Variants in OPALIN observed in about 807,000 individuals in gnomAD.
OPALIN encodes oligodendrocytic myelin paranodal and inner loop protein, also known as transmembrane protein 10.
In OPALIN, 15 loss-of-function variants were observed where a neutral mutation model predicts 17.8. That is an observed-to-expected ratio of 0.84 (90% CI 0.56 to 1.29). The LOEUF is 1.29. Among genes scored for constraint, OPALIN ranks in the 50% most tolerant of loss-of-function variants. The pLI, the probability that OPALIN is intolerant of heterozygous loss-of-function variation, is 0.00. For synonymous variants in OPALIN, 62 were observed against 63.8 expected, an observed-to-expected ratio of 0.97 and a Z score of 0.14; for missense variants, 170 against 176.0, an observed-to-expected ratio of 0.97 and a Z score of 0.19.
At chr10:96,357,604 C>A (rs190306619) in intron 1 of OPALIN, among the ~76,000 whole-genome samples, 1 of 152,274 alleles carries the variant, frequency 6.6e-6, no homozygotes, top group Admixed American at 6.5e-5. Context: ...TTCCCATTCT[C>A]AAAATGGGAT....
chr10:96,352,006 G>A (rs147649873), intron 2 of OPALIN, among the ~76,000 whole-genome samples: 72 of 152,280 alleles, frequency 4.7e-4, no homozygotes, highest in African/African-American at 1.6e-3. Context: ...ATAAAGTTCT[G>A]CATGAGAAAC....
intron 1 of OPALIN, chr10:96,357,231 C>T (rs940197628): frequency 7.8e-6 from 7 of 898,266 alleles, no homozygotes; most frequent in Non-Finnish European, 9.3e-6. Flanking sequence ...TAAGACAAAG[C>T]TTCCTTTGGG....
At chr10:96,358,275 T>A (rs531229209) in intron 1 of OPALIN, among the ~76,000 whole-genome samples, 1 of 151,176 alleles carries the variant, frequency 6.6e-6, no homozygotes, top group African/African-American at 2.4e-5. Context: ...TTATTTCACT[T>A]AGCATAATGT....
chr10:96,350,306 C>T (rs1167577109), intron 3 of OPALIN, among the ~76,000 whole-genome samples: 1 of 152,176 alleles, frequency 6.6e-6, no homozygotes, highest in African/African-American at 2.4e-5. Context: ...ACCTCCGCCT[C>T]CTGGATTCAA....
intron 5 of OPALIN, 59 bp from the exon 6 acceptor site, chr10:96,346,176 G>T: frequency 1.3e-6 from 2 of 1,487,630 alleles, no homozygotes; most frequent in Middle Eastern, 1.7e-4. Flanking sequence ...CATACAAGAT[G>T]GACTAACAGC....
chr10:96,346,852 G>A (rs79621687), intron 5 of OPALIN, among the ~76,000 whole-genome samples: 9,365 of 151,998 alleles, frequency 0.062, 834 homozygotes, highest in East Asian at 0.44. Context: ...TTTCCATAAA[G>A]GTATTACATA....
intron 2 of OPALIN, chr10:96,353,578 T>C: frequency 1.3e-6 from 1 of 764,746 alleles, no homozygotes; most frequent in East Asian, 2.5e-5. Flanking sequence ...AAATGAGCTG[T>C]TAACCAAGAG....
At chr10:96,357,984 C>CT (rs1845882308) in intron 1 of OPALIN, among the ~76,000 whole-genome samples, 1 of 151,912 alleles carries the variant, frequency 6.6e-6, no homozygotes, top group African/African-American at 2.4e-5. Context: ...AAACTTACTG[C>CT]TGTTGAAGGT....
intron 4 of OPALIN, 27 bp from the exon 5 acceptor site, chr10:96,348,372 A>G (rs1306558583): frequency 8.8e-7 from 1 of 1,131,896 alleles, no homozygotes; most frequent in Non-Finnish European, 1.3e-6. Flanking sequence ...ATAATAATAA[A>G]AGAAAGAAAG....
chr10:96,357,824 T>C (rs980608550), intron 1 of OPALIN, among the ~76,000 whole-genome samples: 2 of 152,176 alleles, frequency 1.3e-5, no homozygotes, highest in Non-Finnish European at 1.5e-5. Context: ...AGTACTAGAA[T>C]TGGATACAAT....
chr10:96,343,619 T>A lies in OPALIN; in HGVS notation c.*2322A>T, dbSNP rs12242936. ...TTCTCAGTAAATCCAAGGTCCTTCATGACATGTAGGAGAAGTACAAGCACC... is the reference window on the plus strand; with the variant it reads ...TTCTCAGTAAATCCAAGGTCCTTCAAGACATGTAGGAGAAGTACAAGCACC... On this transcript the variant is annotated 3_prime_UTR_variant, in exon 6 of 6. Transcript: ENST00000371172. The A allele has an allele frequency of 1.1e-4, 16 of 152,160 alleles. No individual in the cohort carries two copies. The highest frequency in any genetic ancestry group is 1.0e-3 in the Admixed American group (16 of 15,268). The allele number at this position is 152,160 out of a possible 1,614,324, so 9.4% of individuals were successfully genotyped here. A position where few individuals can be genotyped will look rare whatever the true frequency, so the allele number is the denominator to read the frequency against.
At chr10:96,346,202 C>T in intron 5 of OPALIN, 85 bp from the exon 6 acceptor site, 2 of 1,280,816 alleles carry the variant, frequency 1.6e-6, no homozygotes, top group Non-Finnish European at 2.2e-6. Context: ...CATTGACCCT[C>T]CCACCTGAAA....
intron 1 of OPALIN, among the ~76,000 whole-genome samples, chr10:96,356,558 A>C (rs138999979): frequency 6.6e-6 from 1 of 152,134 alleles, no homozygotes; most frequent in African/African-American, 2.4e-5. Flanking sequence ...CTCAACCCCA[A>C]CCCGAAAGAT....
At position 96,343,457 on chromosome 10, in the gene OPALIN, A is replaced by G. The variant is rs1271148893; in HGVS notation, c.*2484T>C. On this transcript the variant is annotated 3_prime_UTR_variant, in exon 6 of 6. Transcript: ENST00000371172. ...ATGCATATTTCAATCCAGCCTTACA[A>G]CCACCCCATGGGCTAAAAGGATGGA... The G allele has an allele frequency of 1.3e-5, 2 of 152,212 alleles. No individual in the cohort carries two copies. Among genetic ancestry groups the G allele is most frequent in the African/African-American group, 2.4e-5 (1 of 41,440 alleles). 9.4% of individuals were successfully genotyped at this position (152,212 alleles called of 1,614,324 possible).
rs529249590 is a variant in OPALIN, at chr10:96,345,775, T to C, written c.*166A>G. ...ATCTGAGAGTTGGAATTAACCATGTTGGGGATGTCCCCTAAAGAGACAAAT... is the reference window on the plus strand; with the variant it reads ...ATCTGAGAGTTGGAATTAACCATGTCGGGGATGTCCCCTAAAGAGACAAAT... On this transcript the variant is annotated 3_prime_UTR_variant, in exon 6 of 6. Transcript: ENST00000371172. 9 of 611,278 alleles carry C rather than the reference T, an allele frequency of 1.5e-5. No individual in the cohort carries two copies. The African/African-American group carries it at 1.5e-4, about 10-fold the overall frequency. 37.9% of individuals were successfully genotyped at this position (611,278 alleles called of 1,614,324 possible). A position where few individuals can be genotyped will look rare whatever the true frequency, so the allele number is the denominator to read the frequency against.
Position 96,348,335 on chromosome 10 carries a change from C to A in OPALIN, c.203G>T (p.Arg68Ile). ...SSIEAMEESD[R>I]PCEISEIDDN... ...ATCAATTTCTGAAATTTCACATGGT[C>A]TGTCACTTTCCTAAATTGGAAAAAA... The change falls in exon 5 of 6, where the codon AGA (arginine) becomes ATA (isoleucine). Residue 68 changes from arginine (R) to isoleucine (I), a missense_variant. Arg to Ile is a moderately conservative substitution (Grantham distance 97, BLOSUM62 -3). Coordinates refer to ENST00000371172, the MANE Select transcript of OPALIN (RefSeq NM_033207.5). The A allele has an allele frequency of 6.5e-7, 1 of 1,529,948 alleles. No homozygotes were observed. Among genetic ancestry groups the A allele is most frequent in the South Asian group, 1.2e-5 (1 of 86,146 alleles). 94.8% of individuals were successfully genotyped at this position (1,529,948 alleles called of 1,614,324 possible).
chr10:96,348,241 T>C, intron 5 of OPALIN, 48 bp downstream of exon 5: 1 of 885,530 alleles, frequency 1.1e-6, no homozygotes, highest in Non-Finnish European at 1.8e-6. Context: ...ACACTTAGCT[T>C]GTTTACTGTG....
rs543746346 is a variant in OPALIN at position 96,350,047 on chromosome 10, A to G, written c.73-221T>C. Among the ~76,000 whole-genome samples the G allele has an allele frequency of 6.6e-5, 10 of 152,346 alleles. No individual in the cohort carries two copies. The South Asian group carries it at 1.2e-3, about 19-fold the overall frequency. On this transcript the variant is annotated intron_variant, in intron 3 of 5. Transcript: ENST00000371172. Reference sequence around the variant, plus strand: ...AATTTACACAGTTTAAATCTGTTGGAAAGAGTAATGATCAAGTAGAAAAAT... The same window carrying G: ...AATTTACACAGTTTAAATCTGTTGGGAAGAGTAATGATCAAGTAGAAAAAT...
In OPALIN at chr10:96,351,199, A is replaced by G. The variant is rs555594796; in HGVS notation, c.72+179T>C. Among the ~76,000 whole-genome samples the G allele has an allele frequency of 2.6e-5, 4 of 152,292 alleles. No homozygotes were observed. In the South Asian group the frequency reaches 6.2e-4, roughly 24 times the overall value. The stretch of plus-strand genomic sequence containing the variant: ...TTTTGCTCAACCCTTTGTGAAATCC[A>G]TCTGTGATTTTGCATGTTCTCCCTC... On this transcript the variant is annotated intron_variant, in intron 3 of 5. Transcript: ENST00000371172.
Sources: gnomAD v4.1 joint callset for allele counts (sites outside exome capture counted in the v4.1 genomes callset) on GRCh38, gnomAD v4.1.1 for gene constraint, MANE v1.5 for transcripts, NCBI Gene and HGNC (gene_info 2026-07-23, HGNC 2026-07-21) for gene names.